SLC25A20: variants seen among roughly 807,000 people sequenced by gnomAD.
SLC25A20 encodes the protein mitochondrial carnitine/acylcarnitine carrier protein.
SLC25A20 carries 29 observed loss-of-function variants against 39.7 expected under a neutral mutation model. The observed-to-expected ratio is 0.73, with a 90% CI of 0.54 to 1.00. The LOEUF is 1.00. Ranked by LOEUF, SLC25A20 falls within the 50% of genes least tolerant of loss-of-function variation. SLC25A20 has a pLI of 0.00. For synonymous variants in SLC25A20, 103 were observed against 142.2 expected (o/e 0.72, Z 1.96); for missense variants, 333 against 379.9 (o/e 0.88, Z 1.03).
chr3:48,866,725 T>C (rs1277501686), intron 4 of SLC25A20, among the ~76,000 whole-genome samples: 1 of 46,156 alleles, frequency 2.2e-5, no homozygotes. Context: ...CAACTTCCTG[T>C]GCTCAAACGA....
chr3:48,870,814 ATTTTTTTTTTT>A (rs71077745), intron 4 of SLC25A20, among the ~76,000 whole-genome samples: 1 of 109,844 alleles, frequency 9.1e-6, no homozygotes, highest in Admixed American at 1.0e-4. Flanking sequence ...CAGGAATCAG[ATTTTTTTTTTT>A]TTTTTTTTTT....
intron 4 of SLC25A20, among the ~76,000 whole-genome samples, chr3:48,864,024 A>G (rs1324637824): frequency 6.8e-6 from 1 of 146,190 alleles, no homozygotes; most frequent in Admixed American, 6.9e-5. Context: ...CAATCAATCA[A>G]TCAATACAAG....
intron 1 of SLC25A20, among the ~76,000 whole-genome samples, chr3:48,896,140 C>CACAAA (rs1283355240): frequency 2.9e-5 from 2 of 69,758 alleles, no homozygotes; most frequent in African/African-American, 1.1e-4. Flanking sequence ...AGTCTTGTCT[C>CACAAA]AAAAAAAAAA....
intron 1 of SLC25A20, 64 bp downstream of exon 1, chr3:48,898,626 G>A (rs765197509): frequency 6.2e-5 from 90 of 1,445,086 alleles, no homozygotes; most frequent in Non-Finnish European, 8.1e-5. Flanking sequence ...GCCTCGCGGG[G>A]GACCATGCTT....
At chr3:48,883,871 G>A (rs1056787246) in intron 3 of SLC25A20, 126 bp downstream of exon 3, 37 of 1,140,646 alleles carry the variant, frequency 3.2e-5, no homozygotes, top group Non-Finnish European at 4.6e-5. Context: ...TGATCCACCC[G>A]CCTCAGTCTC....
intron 1 of SLC25A20, among the ~76,000 whole-genome samples, chr3:48,894,192 T>TCTCTCTCG (rs2083897419): frequency 6.8e-6 from 1 of 146,050 alleles, no homozygotes; most frequent in African/African-American, 2.6e-5. Context: ...ATTCTCTCTC[T>TCTCTCTCG]CTCTCTCTCT....
intron 1 of SLC25A20, among the ~76,000 whole-genome samples, chr3:48,898,030 T>C (rs948754199): frequency 1.3e-5 from 2 of 152,180 alleles, no homozygotes; most frequent in Non-Finnish European, 2.9e-5. Flanking sequence ...AGTCTGACCA[T>C]AGCTTCCTCA....
intron 2 of SLC25A20, among the ~76,000 whole-genome samples, chr3:48,884,676 C>G (rs1016773301): frequency 1.3e-5 from 2 of 152,026 alleles, no homozygotes; most frequent in African/African-American, 4.8e-5. Context: ...GTAGCATACC[C>G]TTTCACCTGG....
chr3:48,892,066 G>C lies in SLC25A20; in HGVS notation c.112C>G (p.Leu38Val). 1 of 1,613,806 alleles carries C rather than the reference G, an allele frequency of 6.2e-7. No homozygotes were observed. The highest frequency in any genetic ancestry group is 8.5e-7 in the Non-Finnish European group (1 of 1,179,730). Residue 38 changes from leucine (L) to valine (V), a missense_variant, in exon 2 of 9, where the codon CTG becomes GTG. By Grantham distance (32) the Leu-to-Val change is conservative (BLOSUM62 1). Coordinates refer to ENST00000319017, the MANE Select transcript of SLC25A20 (RefSeq NM_000387.6). Reference sequence around the variant, plus strand: ...GGCAAACTCGGTGGCTGTGTCTGCAGTCGGACCTGAAAACAGAAGTTAAAA... The same window carrying C: ...GGCAAACTCGGTGGCTGTGTCTGCACTCGGACCTGAAAACAGAAGTTAAAA... ...GHPLDTVKVR[L>V]QTQPPSLPGQ...
chr3:48,868,978 G>A (rs906385470), intron 4 of SLC25A20, among the ~76,000 whole-genome samples: 1 of 152,144 alleles, frequency 6.6e-6, no homozygotes, highest in African/African-American at 2.4e-5. Flanking sequence ...CCAGCACCTT[G>A]CCACCCTAGA....
chr3:48,857,968 C>CTTTT (rs755739220), intron 8 of SLC25A20, among the ~76,000 whole-genome samples, 196 bp from the exon 9 acceptor site: 1 of 138,264 alleles, frequency 7.2e-6, no homozygotes, highest in Non-Finnish European at 1.6e-5. Flanking sequence ...CTGCCCACTT[C>CTTTT]TTTTTTTTTT....
chr3:48,883,960 G>A (rs1291476406), intron 3 of SLC25A20, 37 bp downstream of exon 3: 12 of 1,610,346 alleles, frequency 7.5e-6, no homozygotes, highest in South Asian at 1.1e-5. Flanking sequence ...ACGCTACCAG[G>A]CAGAACAGCA....
intron 3 of SLC25A20, among the ~76,000 whole-genome samples, chr3:48,881,609 A>T (rs2083796096): frequency 6.6e-6 from 1 of 152,184 alleles, no homozygotes; most frequent in Admixed American, 6.6e-5. Flanking sequence ...AGCAGGGCTG[A>T]CAGGATTGTG....
At chr3:48,877,377 C>T (rs1178954786) in intron 4 of SLC25A20, among the ~76,000 whole-genome samples, 1 of 148,256 alleles carries the variant, frequency 6.7e-6, no homozygotes, top group Non-Finnish European at 1.5e-5. Context: ...AGTGCAATGG[C>T]GCCACTGCAC....
At position 48,892,030 on chromosome 3, in the gene SLC25A20, G is replaced by A. The variant is rs1323532383; in HGVS notation, c.148C>T (p.Pro50Ser). 5 of 1,614,114 alleles carry A rather than the reference G, an allele frequency of 3.1e-6. No homozygotes were observed. The Middle Eastern group carries it at 6.6e-4, about 213-fold the overall frequency. The change falls in exon 2 of 9, where the codon CCC (proline) becomes TCC (serine). Residue 50 changes from proline (P) to serine (S), a missense_variant. Physicochemically the swap from Pro to Ser is moderately conservative, Grantham distance 74. Coordinates refer to ENST00000319017, the MANE Select transcript of SLC25A20 (RefSeq NM_000387.6). ...TQPPSLPGQP[P>S]MYSGTFDCFR... The stretch of plus-strand genomic sequence containing the variant: ...CAGTCAAAGGTCCCAGAGTACATGG[G>A]AGGTTGTCCAGGCAAACTCGGTGGC...
intron 1 of SLC25A20, among the ~76,000 whole-genome samples, chr3:48,892,828 G>C (rs2083886804): frequency 6.6e-6 from 1 of 152,120 alleles, no homozygotes; most frequent in Non-Finnish European, 1.5e-5. Context: ...CTGTGGCCTA[G>C]TCAAGGTGAC....
chr3:48,858,735 C>A, intron 7 of SLC25A20, 104 bp from the exon 8 acceptor site: 1 of 1,366,632 alleles, frequency 7.3e-7, no homozygotes. Flanking sequence ...CCTTGCAGGT[C>A]ATGTGGGACC....
intron 4 of SLC25A20, among the ~76,000 whole-genome samples, chr3:48,866,565 AAAAAAC>A (rs1309034214): frequency 2.6e-5 from 4 of 152,188 alleles, no homozygotes; most frequent in East Asian, 1.9e-4. Flanking sequence ...AAAAAAAAAC[AAAAAAC>A]AAAAACAAAA....
intron 4 of SLC25A20, among the ~76,000 whole-genome samples, chr3:48,863,611 A>C (rs1374367929): frequency 6.6e-6 from 1 of 152,220 alleles, no homozygotes; most frequent in African/African-American, 2.4e-5. Flanking sequence ...AGCATCAACC[A>C]AACAATAATT....
Sources: allele counts gnomAD v4.1 joint callset (sites outside exome capture counted in the v4.1 genomes callset), GRCh38; gene constraint gnomAD v4.1.1; transcripts MANE v1.5; gene names NCBI Gene and HGNC (gene_info 2026-07-23, HGNC 2026-07-21).